OSBPL2: variants seen among roughly 807,000 people sequenced by gnomAD.
OSBPL2 encodes oxysterol binding protein like 2.
OSBPL2 carries 18 observed loss-of-function variants against 58.4 expected under a neutral mutation model. The observed-to-expected ratio is 0.31, with a 90% confidence interval of 0.21 to 0.46. OSBPL2 has a LOEUF of 0.46. Ranked by LOEUF, OSBPL2 falls within the 20% of genes least tolerant of loss-of-function variation. OSBPL2 has a pLI of 1.00. For missense variants in OSBPL2, 461 were observed against 616.5 expected, an observed-to-expected ratio of 0.75 and a Z score of 2.67; for synonymous variants, 221 against 234.1, an observed-to-expected ratio of 0.94 and a Z score of 0.51.
chr20:62,281,816 T>C lies in OSBPL2; in HGVS notation c.809T>C (p.Phe270Ser). The change falls in exon 9 of 14, where the codon TTT becomes TCT. Residue 270 changes from phenylalanine to serine, a missense_variant. By Grantham distance (155) the Phe-to-Ser change is radical. Coordinates refer to ENST00000313733, the MANE Select transcript of OSBPL2 (RefSeq NM_144498.4). ...HRTGHKCVLHFKPCGLFGKEL... is the reference protein window; with the variant it reads ...HRTGHKCVLHSKPCGLFGKEL... ...ACTGGACATAAGTGTGTGCTTCACT[T>C]TAAACCGTGTGGATTATTTGGAAAA... The C allele has an allele frequency of 6.2e-7, 1 of 1,612,056 alleles. No individual in the cohort carries two copies. Among genetic ancestry groups the C allele is most frequent in the East Asian group, 2.2e-5 (1 of 44,812 alleles).
At chr20:62,292,833 T>C (rs1416905981) in intron 13 of OSBPL2, among the ~76,000 whole-genome samples, 1 of 152,232 alleles carries the variant, frequency 6.6e-6, no homozygotes, top group South Asian at 2.1e-4. Context: ...ATTTGGAATT[T>C]GCCCTTAATC....
chr20:62,273,221 G>A lies in OSBPL2; in HGVS notation c.394-88G>A, dbSNP rs905985049. 10 of 977,662 alleles carry A rather than the reference G, an allele frequency of 1.0e-5. No homozygotes were observed. The East Asian group carries it at 2.3e-4, about 22-fold the overall frequency. 60.6% of individuals were successfully genotyped at this position (977,662 alleles called of 1,614,324 possible). On this transcript the variant is annotated intron_variant, in intron 5 of 13. Coordinates refer to ENST00000313733, the MANE Select transcript of OSBPL2 (RefSeq NM_144498.4). Reference sequence around the variant, plus strand: ...ACGGAACAAATAGTGACAGAAACCAGGTGCCCACCGCCCTCCACAAGAGGC... The same window carrying A: ...ACGGAACAAATAGTGACAGAAACCAAGTGCCCACCGCCCTCCACAAGAGGC...
At chr20:62,290,581 G>A (rs1382468924) in intron 12 of OSBPL2, among the ~76,000 whole-genome samples, 10 of 150,908 alleles carry the variant, frequency 6.6e-5, no homozygotes, top group Admixed American at 6.0e-4. Context: ...CACCACGCCC[G>A]GTTAATTTTT....
intron 13 of OSBPL2, among the ~76,000 whole-genome samples, chr20:62,293,155 G>A (rs930280862): frequency 5.3e-5 from 8 of 150,836 alleles, no homozygotes; most frequent in African/African-American, 9.7e-5. Context: ...GAGCCACCGC[G>A]CCCGGCCTGT....
intron 2 of OSBPL2, among the ~76,000 whole-genome samples, 179 bp from the exon 3 acceptor site, chr20:62,259,802 C>T (rs1019119066): frequency 4.6e-5 from 7 of 152,158 alleles, no homozygotes; most frequent in Admixed American, 1.3e-4. Flanking sequence ...TCCGTGGCAC[C>T]CTCCTGTTCT....
At position 62,294,735 on chromosome 20, in the gene OSBPL2, A is replaced by G. The variant is rs1239459324; in HGVS notation, c.*848A>G. 1 of 152,114 alleles carries G rather than the reference A, an allele frequency of 6.6e-6. No homozygotes were observed. Among genetic ancestry groups the G allele is most frequent in the South Asian group, 2.1e-4 (1 of 4,822 alleles). 9.4% of individuals were successfully genotyped at this position (152,114 alleles called of 1,614,324 possible). ...CTCCAGGGGGTTCCTTTCTTCTCACACGTCGCGTGTACCCATAGCACTCTT... is the reference window on the plus strand; with the variant it reads ...CTCCAGGGGGTTCCTTTCTTCTCACGCGTCGCGTGTACCCATAGCACTCTT... On this transcript the variant is annotated 3_prime_UTR_variant, in exon 14 of 14. Coordinates refer to ENST00000313733, the MANE Select transcript of OSBPL2 (RefSeq NM_144498.4).
At position 62,284,102 on chromosome 20, in the gene OSBPL2, A is replaced by T; in HGVS notation, c.929A>T (p.Asp310Val). 1 of 1,614,094 alleles carries T rather than the reference A, an allele frequency of 6.2e-7. No homozygotes were observed. Among genetic ancestry groups the T allele is most frequent in the Non-Finnish European group, 8.5e-7 (1 of 1,179,954 alleles). Reference protein sequence around the residue: ...GKWTECLWGIDPVSYESFKKQ... With the variant: ...GKWTECLWGIVPVSYESFKKQ... ...TGGACGGAATGTTTGTGGGGCATAG[A>T]TCCTGTTTCGTATGAATCCTTCAAG... Residue 310 changes from aspartate (D) to valine (V), a missense_variant, in exon 10 of 14, where the codon GAT becomes GTT. Physicochemically the swap from Asp to Val is radical, Grantham distance 152. Coordinates refer to ENST00000313733, the MANE Select transcript of OSBPL2 (RefSeq NM_144498.4).
chr20:62,276,701 G>A (rs537235997), intron 6 of OSBPL2, among the ~76,000 whole-genome samples: 15 of 152,328 alleles, frequency 9.8e-5, no homozygotes, highest in Admixed American at 9.2e-4. Context: ...CAAGCTGCAG[G>A]GAGCAGCCCT....
intron 1 of OSBPL2, among the ~76,000 whole-genome samples, chr20:62,252,671 A>G (rs1365156326): frequency 6.6e-6 from 1 of 152,104 alleles, no homozygotes; most frequent in Non-Finnish European, 1.5e-5. Flanking sequence ...AATACCTGAG[A>G]CTGGGTAATT....
chr20:62,268,839 C>G (rs756223995), intron 4 of OSBPL2, among the ~76,000 whole-genome samples: 4 of 152,156 alleles, frequency 2.6e-5, no homozygotes, highest in Non-Finnish European at 5.9e-5. Flanking sequence ...AGGCGGATCA[C>G]GAAGTCAGGA....
intron 1 of OSBPL2, among the ~76,000 whole-genome samples, chr20:62,249,770 T>G (rs1304057271): frequency 6.6e-6 from 1 of 151,938 alleles, no homozygotes; most frequent in African/African-American, 2.4e-5. Context: ...GAAGGGGTAT[T>G]CTCCATGTTG....
chr20:62,276,749 C>T (rs912325435), intron 6 of OSBPL2, among the ~76,000 whole-genome samples: 5 of 151,998 alleles, frequency 3.3e-5, no homozygotes, highest in African/African-American at 1.2e-4. Flanking sequence ...GAGGCCTGGA[C>T]AAGGGAAAGA....
At chr20:62,287,015 C>T (rs980865921) in intron 11 of OSBPL2, among the ~76,000 whole-genome samples, 7 of 152,276 alleles carry the variant, frequency 4.6e-5, no homozygotes, top group African/African-American at 1.7e-4. Context: ...GCCCGCCGGG[C>T]ACACATGCTT....
At chr20:62,257,346 G>A (rs527246379) in intron 2 of OSBPL2, among the ~76,000 whole-genome samples, 55 of 152,344 alleles carry the variant, frequency 3.6e-4, no homozygotes, top group African/African-American at 1.2e-3. Flanking sequence ...CAAGATGGTT[G>A]ACTTACTCTT....
At chr20:62,251,359 ATT>A (rs910889012) in intron 1 of OSBPL2, among the ~76,000 whole-genome samples, 1 of 134,432 alleles carries the variant, frequency 7.4e-6, no homozygotes. Flanking sequence ...CGCCCGGACA[ATT>A]TTTTTTTTTT....
chr20:62,289,436 G>A (rs1983347746), intron 12 of OSBPL2, 106 bp downstream of exon 12: 1 of 1,356,362 alleles, frequency 7.4e-7, no homozygotes, highest in African/African-American at 1.4e-5. Flanking sequence ...CGCCTACAAG[G>A]GGAGCCCCGT....
At chr20:62,249,307 C>A (rs1980367817) in intron 1 of OSBPL2, among the ~76,000 whole-genome samples, 1 of 152,166 alleles carries the variant, frequency 6.6e-6, no homozygotes. Flanking sequence ...CAGGGTTTTT[C>A]TCTAGAAGTA....
chr20:62,239,179 G>A (rs6089697), intron 1 of OSBPL2: 58,330 of 152,152 alleles, frequency 0.38, 12,629 homozygotes, highest in East Asian at 0.52. Flanking sequence ...GGGTGCCCGC[G>A]AGCCCTTGTC....
At chr20:62,264,134 A>G (rs1255965295) in intron 4 of OSBPL2, among the ~76,000 whole-genome samples, 1 of 152,042 alleles carries the variant, frequency 6.6e-6, no homozygotes, top group Non-Finnish European at 1.5e-5. Flanking sequence ...AGACAATAAA[A>G]CAGGAAAAGA....
Sources: allele counts gnomAD v4.1 joint callset (sites outside exome capture counted in the v4.1 genomes callset), GRCh38; gene constraint gnomAD v4.1.1; transcripts MANE v1.5; gene names NCBI Gene and HGNC (gene_info 2026-07-23, HGNC 2026-07-21).